Variants in MYO5A observed in about 807,000 individuals in gnomAD.
MYO5A encodes the protein unconventional myosin-Va.
In MYO5A, 98 loss-of-function variants were observed where a neutral mutation model predicts 249.7. That is an observed-to-expected ratio of 0.39 (90% CI 0.33 to 0.46). The LOEUF is 0.46. Ranked by LOEUF, MYO5A falls within the 20% of genes least tolerant of loss-of-function variation. The pLI, the probability that MYO5A is intolerant of heterozygous loss-of-function variation, is 0.98. For synonymous variants in MYO5A, 778 were observed against 810.6 expected (o/e 0.96, Z 0.68); for missense variants, 1,696 against 2,308.8 (o/e 0.73, Z 5.44).
intron 34 of MYO5A, among the ~76,000 whole-genome samples, chr15:52,331,104 A>T (rs1372868781): frequency 6.6e-6 from 1 of 152,236 alleles, no homozygotes; most frequent in Non-Finnish European, 1.5e-5. Flanking sequence ...TATGGCAAAG[A>T]CCTAATTTTC....
intron 1 of MYO5A, among the ~76,000 whole-genome samples, chr15:52,435,944 T>C (rs1458574334): frequency 6.6e-6 from 1 of 151,952 alleles, no homozygotes; most frequent in African/African-American, 2.4e-5. Context: ...TGACACAGAG[T>C]TTTCCTCTTG....
intron 8 of MYO5A, among the ~76,000 whole-genome samples, chr15:52,406,598 CTCAAAATGCCATCATA>C (rs984202706): frequency 6.6e-6 from 1 of 152,124 alleles, no homozygotes; most frequent in Admixed American, 6.5e-5. Flanking sequence ...GAGGGTACTA[CTCAAAATGCCATCATA>C]TGATTTTAGA....
rs1274628994 is a variant in MYO5A at position 52,330,484 on chromosome 15, T to C, written c.4424A>G (p.Asn1475Ser). 3 of 1,614,006 alleles carry C rather than the reference T, an allele frequency of 1.9e-6. No homozygotes were observed. In the Admixed American group the frequency reaches 5.0e-5, roughly 27 times the overall value. Residue 1475 changes from asparagine (N) to serine (S), a missense_variant, in exon 35 of 42, where the codon AAC becomes AGC. Coordinates refer to ENST00000399233, the MANE Select transcript of MYO5A (RefSeq NM_001382347.1). ...IGELEVGQME[N>S]ISPGQIIDEP... ...ATCAATGATCTGTCCTGGGGATATG[T>C]TCTCCATCTGGCCCACTTTATGAGA...
At chr15:52,524,859 C>A (rs1191307153) in intron 1 of MYO5A, among the ~76,000 whole-genome samples, 1 of 111,896 alleles carries the variant, frequency 8.9e-6, no homozygotes, top group East Asian at 2.8e-4. Flanking sequence ...CACAGTGAGA[C>A]CCTGTCTCAA....
chr15:52,311,528 A>G lies in MYO5A; in HGVS notation c.*2168T>C, dbSNP rs1377475640. 2.0e-5 allele frequency: 3 copies of G among 152,258 alleles called. No homozygotes were observed. The highest frequency in any genetic ancestry group is 7.2e-5 in the African/African-American group (3 of 41,462). The allele number at this position is 152,258 out of a possible 1,614,324, so 9.4% of individuals were successfully genotyped here. A position where few individuals can be genotyped will look rare whatever the true frequency, so the allele number is the denominator to read the frequency against. ...AAATGTATTCAAACTGAATAAAGCA[A>G]TACATGATGTAATAAAAATTACTTA... On this transcript the variant is annotated 3_prime_UTR_variant, in exon 42 of 42. Transcript: ENST00000399233.
Position 52,323,246 on chromosome 15 carries a change from G to C in MYO5A, c.4800+109C>G, listed in dbSNP as rs890241028. On this transcript the variant is annotated intron_variant, in intron 37 of 41. Transcript: ENST00000399233. ...AAGCAAGAACTTCCAAGCCACCTCT[G>C]AATTTGGGTTCCTAAATAAATGGTT... The C allele has an allele frequency of 3.3e-6, 3 of 909,110 alleles. No homozygotes were observed. In the African/African-American group the frequency reaches 4.9e-5, roughly 15 times the overall value. The allele number at this position is 909,110 out of a possible 1,614,324, so 56.3% of individuals were successfully genotyped here. A position where few individuals can be genotyped will look rare whatever the true frequency, so the allele number is the denominator to read the frequency against.
At chr15:52,386,512 C>T (rs748380415) in intron 14 of MYO5A, among the ~76,000 whole-genome samples, 17 of 152,018 alleles carry the variant, frequency 1.1e-4, no homozygotes, top group Non-Finnish European at 2.5e-4. Context: ...ATCCTGTAAA[C>T]TATAAACAGT....
intron 24 of MYO5A, among the ~76,000 whole-genome samples, chr15:52,362,029 T>C (rs1253142456): frequency 1.3e-5 from 2 of 150,016 alleles, no homozygotes; most frequent in African/African-American, 2.4e-5. Flanking sequence ...CTTTTCATCA[T>C]TGGCTTGAAA....
chr15:52,432,769 C>T (rs1394764749), intron 2 of MYO5A, among the ~76,000 whole-genome samples: 1 of 152,162 alleles, frequency 6.6e-6, no homozygotes, highest in Non-Finnish European at 1.5e-5. Context: ...CGCCTTCCTC[C>T]CAACTAGTAT....
At position 52,528,877 on chromosome 15, in the gene MYO5A, G is replaced by A. The variant is rs866652067; in HGVS notation, c.-71C>T. ...CCTCGCCTGGGCGGCCGCCCGAGCG[G>A]ACTAGGAAGCGCCCGCAGCCGCCGG... is the stretch of plus-strand genomic sequence containing the variant. On this transcript the variant is annotated 5_prime_UTR_variant, in exon 1 of 42. Transcript: ENST00000399233. 333 of 1,356,192 alleles carry A rather than the reference G, an allele frequency of 2.5e-4. 1 individual carries two copies. In the African/African-American group the frequency reaches 2.6e-3, roughly 11 times the overall value. The allele number at this position is 1,356,192 out of a possible 1,614,324, so 84.0% of individuals were successfully genotyped here.
In MYO5A at chr15:52,323,722, G is replaced by A. The variant is rs186578505; in HGVS notation, c.4711-278C>T. ...CCTTTAAGCAGAAAAAAATTCACCC[G>A]GCTGGGCGCGGTGGCTCACACCTGT... On this transcript the variant is annotated intron_variant, in intron 36 of 41. Coordinates refer to ENST00000399233, the MANE Select transcript of MYO5A (RefSeq NM_001382347.1). 2,228 of 365,468 alleles carry A rather than the reference G, an allele frequency of 6.1e-3. 18 individuals are homozygous for A. Among genetic ancestry groups the A allele is most frequent in the Middle Eastern group, 0.023 (24 of 1,034 alleles). The allele number at this position is 365,468 out of a possible 1,614,324, so 22.6% of individuals were successfully genotyped here. A position where few individuals can be genotyped will look rare whatever the true frequency, so the allele number is the denominator to read the frequency against.
At chr15:52,368,613 G>A (rs2040933372) in intron 22 of MYO5A, among the ~76,000 whole-genome samples, 1 of 152,092 alleles carries the variant, frequency 6.6e-6, no homozygotes, top group African/African-American at 2.4e-5. Flanking sequence ...TCCATCAAAA[G>A]AACTAATGGG....
At chr15:52,339,723 C>T (rs1047971509) in intron 32 of MYO5A, among the ~76,000 whole-genome samples, 2 of 152,162 alleles carry the variant, frequency 1.3e-5, no homozygotes, top group African/African-American at 2.4e-5. Flanking sequence ...CCAAAAACCC[C>T]GGCTTAGTTT....
intron 12 of MYO5A, among the ~76,000 whole-genome samples, chr15:52,391,222 G>A (rs868334704): frequency 5.9e-5 from 9 of 152,046 alleles, no homozygotes; most frequent in Middle Eastern, 3.2e-3. Context: ...GAAAATTATC[G>A]AGTTTAAATT....
intron 1 of MYO5A, among the ~76,000 whole-genome samples, chr15:52,442,614 ATAAC>A (rs2075805637): frequency 6.6e-6 from 1 of 152,174 alleles, no homozygotes; most frequent in Non-Finnish European, 1.5e-5. Flanking sequence ...AATAATCACA[ATAAC>A]TAACCCCAGT....
chr15:52,522,707 G>A (rs2077648260), intron 1 of MYO5A, among the ~76,000 whole-genome samples: 3 of 152,118 alleles, frequency 2.0e-5, no homozygotes, highest in South Asian at 4.1e-4. Context: ...GAGGTAAGAA[G>A]TAAGGCGGAT....
At chr15:52,345,577 T>A in intron 30 of MYO5A, among the ~76,000 whole-genome samples, 1 of 135,728 alleles carries the variant, frequency 7.4e-6, no homozygotes, top group Non-Finnish European at 1.6e-5. Flanking sequence ...AGAGGGAAAC[T>A]CCATTTCAAA....
At chr15:52,366,970 T>C (rs963342809) in intron 23 of MYO5A, 61 bp downstream of exon 23, 9 of 1,316,718 alleles carry the variant, frequency 6.8e-6, no homozygotes, top group African/African-American at 2.9e-5. Context: ...TCAAATGACA[T>C]TGTAACTTAC....
chr15:52,315,043 C>A (rs1464789549), intron 40 of MYO5A, among the ~76,000 whole-genome samples: 1 of 151,992 alleles, frequency 6.6e-6, no homozygotes, highest in African/African-American at 2.4e-5. Flanking sequence ...GGGTGACAAA[C>A]TGAATTAGGG....
Sources: allele counts gnomAD v4.1 joint callset (sites outside exome capture counted in the v4.1 genomes callset), GRCh38; gene constraint gnomAD v4.1.1; transcripts MANE v1.5; gene names NCBI Gene and HGNC (gene_info 2026-07-23, HGNC 2026-07-21).